Variants in MAPK8IP3 observed in about 807,000 individuals in gnomAD.
The protein encoded by MAPK8IP3 is mitogen-activated protein kinase 8 interacting protein 3, also known as C-Jun-amino-terminal kinase-interacting protein 3.
In MAPK8IP3, 49 loss-of-function variants were observed where a neutral mutation model predicts 157.8. That is an observed-to-expected ratio of 0.31 (90% confidence interval 0.25 to 0.39). The LOEUF is 0.39. MAPK8IP3 is among the 10% of genes least tolerant of loss of function. The pLI is 1.00. For synonymous variants in MAPK8IP3, 897 were observed against 777.7 expected, an observed-to-expected ratio of 1.15 and a Z score of -2.55; for missense variants, 1,478 against 1,889.4, an observed-to-expected ratio of 0.78 and a Z score of 4.04.
chr16:1,737,134 GCA>G (rs2039996372), intron 4 of MAPK8IP3, among the ~76,000 whole-genome samples: 1 of 90,588 alleles, frequency 1.1e-5, no homozygotes, highest in African/African-American at 4.4e-5. Flanking sequence ...GTCCGTGTGA[GCA>G]TGTGACCATC....
At chr16:1,768,155 C>T in intron 29 of MAPK8IP3, 44 bp from the exon 30 acceptor site, 1 of 1,612,094 alleles carries the variant, frequency 6.2e-7, no homozygotes, top group Non-Finnish European at 8.5e-7. Flanking sequence ...CTCCCACTCT[C>T]CACCTGTATG....
chr16:1,766,014 A>G lies in MAPK8IP3; in HGVS notation c.2501A>G (p.Asn834Ser). The G allele has an allele frequency of 6.2e-7, 1 of 1,612,778 alleles. No individual in the cohort carries two copies. The highest frequency in any genetic ancestry group is 8.5e-7 in the Non-Finnish European group (1 of 1,179,936). Residue 834 changes from asparagine (N) to serine (S), a missense_variant, in exon 21 of 32, where the codon AAC (asparagine) becomes AGC (serine). Transcript: ENST00000610761. Reference sequence around the variant, plus strand: ...GAGATGTTCCTGGACAGCGACGTGAACCCAGAGGACCCGGGCGCAGATGGC... The same window carrying G: ...GAGATGTTCCTGGACAGCGACGTGAGCCCAGAGGACCCGGGCGCAGATGGC... Reference protein sequence around the residue: ...PGEMFLDSDVNPEDPGADGVL... With the variant: ...PGEMFLDSDVSPEDPGADGVL...
chr16:1,726,651 G>T (rs930343169), intron 2 of MAPK8IP3, among the ~76,000 whole-genome samples: 4 of 152,184 alleles, frequency 2.6e-5, no homozygotes, highest in Non-Finnish European at 5.9e-5. Flanking sequence ...ACCCCAGCCT[G>T]GGTGACAGAG....
Position 1,767,908 on chromosome 16 carries a change from CCT to C in MAPK8IP3, c.3514_3515del (p.Leu1172AspfsTer18), listed in dbSNP as rs750160906. ...GCAACGGAGTGGTCATCTCCATCCC[CCT>C]GACAGAGAGTGAGTGGCCTGCACAC... Reference protein sequence around the residue: ...TGNGVVISIPLTETVVLHRGQ... With the variant: ...TGNGVVISIPXTETVVLHRGQ... On this transcript the variant is annotated frameshift_variant, in exon 28 of 32. Transcript: ENST00000610761. LOFTEE classifies it high-confidence loss of function. The C allele has an allele frequency of 1.2e-6, 2 of 1,611,118 alleles. No homozygotes were observed. Among genetic ancestry groups the C allele is most frequent in the Non-Finnish European group, 1.7e-6 (2 of 1,179,812 alleles).
chr16:1,768,662 G>A (rs768975001), intron 31 of MAPK8IP3, 36 bp downstream of exon 31: 22 of 1,610,774 alleles, frequency 1.4e-5, no homozygotes, highest in African/African-American at 1.3e-5. Flanking sequence ...GAGGTTGGGC[G>A]CGGGGGGAGC....
chr16:1,725,184 T>TATC (rs987832533), intron 2 of MAPK8IP3, among the ~76,000 whole-genome samples: 4 of 148,924 alleles, frequency 2.7e-5, no homozygotes, highest in African/African-American at 9.9e-5. Flanking sequence ...TTATTATTAT[T>TATC]ATAAGAACAG....
rs371499369 is a variant in MAPK8IP3, at chr16:1,731,272, C to T, written c.602+1694C>T. Among the ~76,000 whole-genome samples the T allele has an allele frequency of 1.1e-4, 17 of 151,958 alleles. No individual in the cohort carries two copies. The East Asian group carries it at 2.9e-3, about 26-fold the overall frequency. On this transcript the variant is annotated intron_variant, in intron 4 of 31. Transcript: ENST00000610761. ...TGAACCCCAGGGGCGGAGGTGGCAG[C>T]GAGCCAAGATTGCGCACTGCACTCC... is the stretch of plus-strand genomic sequence containing the variant.
intron 20 of MAPK8IP3, 36 bp from the exon 21 acceptor site, chr16:1,765,924 C>G: frequency 1.3e-6 from 2 of 1,572,624 alleles, no homozygotes; most frequent in Non-Finnish European, 8.7e-7. Context: ...GTAGTGGGTT[C>G]CCCCGCACAG....
At position 1,765,162 on chromosome 16, in the gene MAPK8IP3, C is replaced by T; in HGVS notation, c.2430C>T (p.Cys810=). 6.3e-6 allele frequency: 10 copies of T among 1,595,556 alleles called. No individual in the cohort carries two copies. Among genetic ancestry groups the T allele is most frequent in the East Asian group, 2.3e-5 (1 of 44,260 alleles). The change falls in exon 20 of 32, where the codon TGC becomes TGT. Residue 810 remains cysteine (C), a synonymous_variant. Transcript: ENST00000610761. ...QFTVCNAHVL[C]ISSIPAASDS... is the part of the protein sequence containing the mutation. ...CCGTCTGCAACGCGCACGTGCTGTGCATCTCCAGCATCCCCGGTGAGCAGC... is the reference window on the plus strand; with the variant it reads ...CCGTCTGCAACGCGCACGTGCTGTGTATCTCCAGCATCCCCGGTGAGCAGC...
At chr16:1,731,662 G>T (rs1242858820) in intron 4 of MAPK8IP3, among the ~76,000 whole-genome samples, 2 of 152,204 alleles carry the variant, frequency 1.3e-5, no homozygotes, top group East Asian at 1.9e-4. Context: ...TTGCTTTGAG[G>T]ATTTCCTGTT....
chr16:1,747,315 G>A, intron 6 of MAPK8IP3, 40 bp downstream of exon 6: 1 of 1,601,330 alleles, frequency 6.2e-7, no homozygotes, highest in Non-Finnish European at 8.5e-7. Context: ...CCCTCGGGCA[G>A]GAGGCAGGGC....
intron 8 of MAPK8IP3, among the ~76,000 whole-genome samples, chr16:1,757,665 G>A (rs1363122342): frequency 2.6e-5 from 4 of 152,152 alleles, no homozygotes; most frequent in Non-Finnish European, 4.4e-5. Context: ...ATCCTTCACC[G>A]AGGTCCTGCC....
rs1360064575 is a variant in MAPK8IP3 at position 1,738,134 on chromosome 16, G to A, written c.603-5198G>A. On this transcript the variant is annotated intron_variant, in intron 4 of 31. Coordinates refer to ENST00000610761, the MANE Select transcript of MAPK8IP3 (RefSeq NM_001318852.2). ...ACCGTCCGTGTGAGCGTGACTGTCC[G>A]TGTGTGTGACCATCCATGTGAGCAT... Among the ~76,000 whole-genome samples, 4 of 96,362 alleles carry A rather than the reference G, an allele frequency of 4.2e-5. 1 individual carries two copies. The highest frequency in any genetic ancestry group is 5.8e-4 in the South Asian group (1 of 1,712). 63.2% of individuals were successfully genotyped at this position (96,362 alleles called of 152,430 possible).
chr16:1,736,817 CGT>C (rs1240603772), intron 4 of MAPK8IP3, among the ~76,000 whole-genome samples: 9 of 61,092 alleles, frequency 1.5e-4, no homozygotes, highest in Admixed American at 5.1e-4. Flanking sequence ...TGTGACCGTC[CGT>C]GTGAGCGTCC....
At position 1,743,870 on chromosome 16, in the gene MAPK8IP3, CACGCCTCT is replaced by C; in HGVS notation, c.747+397_747+404del. The C allele has an allele frequency of 2.8e-6, 3 of 1,080,232 alleles. No homozygotes were observed. The highest frequency in any genetic ancestry group is 3.4e-6 in the Non-Finnish European group (3 of 889,068). The allele number at this position is 1,080,232 out of a possible 1,614,324, so 66.9% of individuals were successfully genotyped here. On this transcript the variant is annotated intron_variant, in intron 5 of 31. Coordinates refer to ENST00000610761, the MANE Select transcript of MAPK8IP3 (RefSeq NM_001318852.2). This position sits in a 1 kb window ranked among gnomAD's most constrained non-coding sequence, Gnocchi z 5.6. ...CCAGACACATCCTGCCCCTGAGAGC[CACGCCTCT>C]ACTCTCGGAGGAACGTCAGTGTCTA...
intron 20 of MAPK8IP3, 152 bp from the exon 21 acceptor site, chr16:1,765,808 G>A: frequency 1.4e-6 from 1 of 711,084 alleles, no homozygotes; most frequent in Non-Finnish European, 2.3e-6. Flanking sequence ...AGAGGGTCGT[G>A]GGTGGGCTGT....
intron 8 of MAPK8IP3, among the ~76,000 whole-genome samples, chr16:1,757,499 C>T (rs1238447894): frequency 2.0e-5 from 3 of 152,208 alleles, no homozygotes; most frequent in Non-Finnish European, 4.4e-5. Flanking sequence ...GGTGTTTTCC[C>T]GCAGAGCGTT....
intron 5 of MAPK8IP3, chr16:1,746,647 C>T: frequency 4.5e-6 from 1 of 221,438 alleles, no homozygotes. Context: ...CCAGTCAGAG[C>T]CCTCTGCCCT....
intron 4 of MAPK8IP3, among the ~76,000 whole-genome samples, chr16:1,739,546 G>A: frequency 7.3e-6 from 1 of 137,524 alleles, no homozygotes; most frequent in African/African-American, 2.8e-5. Flanking sequence ...GACCATCCGT[G>A]TGAGCATCTG....
Sources: allele counts gnomAD v4.1 joint callset (sites outside exome capture counted in the v4.1 genomes callset), GRCh38; gene constraint gnomAD v4.1.1; non-coding constraint Gnocchi (gnomAD v3.1); transcripts MANE v1.5; gene names NCBI Gene and HGNC (gene_info 2026-07-23, HGNC 2026-07-21).